The following CACNA2D4 variants were observed in gnomAD, a reference collection of about 807,000 sequenced individuals.
The protein encoded by CACNA2D4 is calcium voltage-gated channel auxiliary subunit alpha2delta 4.
A neutral mutation model predicts 163.8 loss-of-function variants in CACNA2D4; 157 were observed. That is an observed-to-expected ratio of 0.96 (90% confidence interval 0.84 to 1.09). The LOEUF is 1.09. Ranked by LOEUF, CACNA2D4 falls within the 50% of genes least tolerant of loss-of-function variation. The probability of loss-of-function intolerance (pLI) is 0.00; values close to 1 mark genes in which losing one functional copy is unlikely to be tolerated. For missense variants in CACNA2D4, 1,410 were observed against 1,479.9 expected (o/e 0.95, Z 0.78); for synonymous variants, 598 against 586.9 (o/e 1.02, Z -0.27).
chr12:1,809,436 A>G lies in CACNA2D4; in HGVS notation c.2721+842T>C. Reference sequence around the variant, plus strand: ...CAAAGCTCACACAGAACCAAATACTATGCCCCTTTCCCCGAGGCTCAGGCA... The same window carrying G: ...CAAAGCTCACACAGAACCAAATACTGTGCCCCTTTCCCCGAGGCTCAGGCA... On this transcript the variant is annotated intron_variant, in intron 29 of 37. Coordinates refer to ENST00000382722, the MANE Select transcript of CACNA2D4 (RefSeq NM_172364.5). 6 of 671,730 alleles carry G rather than the reference A, an allele frequency of 8.9e-6. No homozygotes were observed. In the South Asian group the frequency reaches 9.7e-5, roughly 11 times the overall value. 41.6% of individuals were successfully genotyped at this position (671,730 alleles called of 1,614,324 possible).
At chr12:1,836,009 G>T (rs1157102363) in intron 26 of CACNA2D4, 1 of 152,264 alleles carries the variant, frequency 6.6e-6, no homozygotes, top group African/African-American at 2.4e-5. Context: ...CTCATTGCCT[G>T]CCAGCTTATT....
chr12:1,907,634 C>T (rs757161699), intron 5 of CACNA2D4, 63 bp from the exon 6 acceptor site: 3 of 1,492,466 alleles, frequency 2.0e-6, no homozygotes, highest in Admixed American at 1.8e-5. Flanking sequence ...TGATCATGCC[C>T]GGTGAGGGTG....
chr12:1,850,868 C>T (rs1016096609), intron 23 of CACNA2D4, among the ~76,000 whole-genome samples: 8 of 136,522 alleles, frequency 5.9e-5, no homozygotes, highest in South Asian at 5.0e-4. Flanking sequence ...GGCGACAGAG[C>T]GAGACTCCGT....
chr12:1,909,583 G>A (rs143286238), intron 4 of CACNA2D4, among the ~76,000 whole-genome samples: 2 of 152,316 alleles, frequency 1.3e-5, no homozygotes, highest in East Asian at 3.9e-4. Flanking sequence ...AGCCCTGGGC[G>A]CAGCCCCAGG....
At chr12:1,830,619 T>C (rs1018793038) in intron 26 of CACNA2D4, among the ~76,000 whole-genome samples, 2 of 152,162 alleles carry the variant, frequency 1.3e-5, no homozygotes, top group African/African-American at 4.8e-5. Context: ...GAGCTTCCTA[T>C]CACTGCACCA....
chr12:1,884,404 G>A (rs1866084356), intron 11 of CACNA2D4, 83 bp from the exon 12 acceptor site: 1 of 1,088,888 alleles, frequency 9.2e-7, no homozygotes, highest in Non-Finnish European at 1.4e-6. Flanking sequence ...AGTCTTAGAT[G>A]TTGGCCCCAG....
At position 1,869,512 on chromosome 12, in the gene CACNA2D4, C is replaced by G. The variant is rs1170713455; in HGVS notation, c.1878+5092G>C. On this transcript the variant is annotated intron_variant, in intron 18 of 37. Transcript: ENST00000382722. This position sits in a 1 kb window ranked among gnomAD's most constrained non-coding sequence, Gnocchi z 4.7. ...CCTGATGGGTAGAGTTGGTGAGTGACAGATGTGGGTTTCAGTTTGTTTTCA... is the reference window on the plus strand; with the variant it reads ...CCTGATGGGTAGAGTTGGTGAGTGAGAGATGTGGGTTTCAGTTTGTTTTCA... Among the ~76,000 whole-genome samples the G allele has an allele frequency of 6.6e-6, 1 of 152,218 alleles. No homozygotes were observed. Among genetic ancestry groups the G allele is most frequent in the East Asian group, 1.9e-4 (1 of 5,202 alleles).
chr12:1,868,718 A>G (rs1228159234), intron 18 of CACNA2D4, among the ~76,000 whole-genome samples: 1 of 152,142 alleles, frequency 6.6e-6, no homozygotes. Context: ...TTCACTTTGT[A>G]TATCAAGATA....
chr12:1,796,066 A>G, intron 35 of CACNA2D4: 1 of 378,806 alleles, frequency 2.6e-6, no homozygotes, highest in Non-Finnish European at 4.9e-6. Context: ...CTATTAATAT[A>G]TGCAGGGACG....
In CACNA2D4 at chr12:1,799,021, G is replaced by A. The variant is rs1226394704; in HGVS notation, c.2995+654C>T. Among the ~76,000 whole-genome samples, 3 of 152,206 alleles carry A rather than the reference G, an allele frequency of 2.0e-5. No individual in the cohort carries two copies. Among genetic ancestry groups the A allele is most frequent in the Non-Finnish European group, 4.4e-5 (3 of 68,046 alleles). On this transcript the variant is annotated intron_variant, in intron 34 of 37. Transcript: ENST00000382722. This position sits in a 1 kb window ranked among gnomAD's most constrained non-coding sequence, Gnocchi z 4.7. ...GAAGAGATGGGATAAGCTGGGGACA[G>A]CCCAGGTGGTGGGAAGTTCTGGAAC...
At chr12:1,822,622 C>T (rs573721610) in intron 26 of CACNA2D4, among the ~76,000 whole-genome samples, 1 of 152,244 alleles carries the variant, frequency 6.6e-6, no homozygotes, top group South Asian at 2.1e-4. Flanking sequence ...GACAAGGAAA[C>T]GGGGGTGCAG....
At position 1,869,475 on chromosome 12, in the gene CACNA2D4, G is replaced by A. The variant is rs1026965737; in HGVS notation, c.1878+5129C>T. Among the ~76,000 whole-genome samples, 1 of 152,216 alleles carries A rather than the reference G, an allele frequency of 6.6e-6. No individual in the cohort carries two copies. The highest frequency in any genetic ancestry group is 1.5e-5 in the Non-Finnish European group (1 of 68,024). On this transcript the variant is annotated intron_variant, in intron 18 of 37. Transcript: ENST00000382722. This position sits in a 1 kb window ranked among gnomAD's most constrained non-coding sequence, Gnocchi z 4.7. ...TGGAAGGCACTGGCTCCGTCTGCGG[G>A]TCATCTGCCATCCTGATGGGTAGAG...
chr12:1,911,696 T>A (rs1378771247), intron 3 of CACNA2D4, among the ~76,000 whole-genome samples: 1 of 152,154 alleles, frequency 6.6e-6, no homozygotes, highest in Admixed American at 6.5e-5. Context: ...TCTCTGAGGC[T>A]GTGGAAGGGC....
rs144921500 is a variant in CACNA2D4, at chr12:1,834,061, G to A, written c.2551+6678C>T. 2.0e-5 allele frequency among the ~76,000 whole-genome samples: 3 copies of A among 152,198 alleles called. No individual in the cohort carries two copies. The highest frequency in any genetic ancestry group is 4.8e-5 in the African/African-American group (2 of 41,448). ...GGCTTCTGCGAGGATGAAATGGCAC[G>A]ATATACGTAACTCACTGTGGACTTG... is the stretch of plus-strand genomic sequence containing the variant. On this transcript the variant is annotated intron_variant, in intron 26 of 37. Transcript: ENST00000382722. This position sits in a 1 kb window ranked among gnomAD's most constrained non-coding sequence, Gnocchi z 7.6.
intron 18 of CACNA2D4, among the ~76,000 whole-genome samples, chr12:1,871,392 C>A (rs1311634589): frequency 2.4e-5 from 2 of 83,282 alleles, no homozygotes; most frequent in East Asian, 7.1e-4. Context: ...TGTGTGTACA[C>A]GTGCTGCTGG....
At chr12:1,899,004 T>C (rs1222511090) in intron 6 of CACNA2D4, among the ~76,000 whole-genome samples, 3 of 152,132 alleles carry the variant, frequency 2.0e-5, no homozygotes, top group Non-Finnish European at 4.4e-5. Flanking sequence ...TGGATGGTGG[T>C]GATTGTTGCA....
chr12:1,891,939 G>A (rs1866292964), intron 6 of CACNA2D4, among the ~76,000 whole-genome samples: 1 of 152,068 alleles, frequency 6.6e-6, no homozygotes, highest in African/African-American at 2.4e-5. Context: ...ATCATTAAGT[G>A]GCCAAATGTT....
At chr12:1,890,908 C>T (rs1309759460) in intron 6 of CACNA2D4, among the ~76,000 whole-genome samples, 3 of 152,234 alleles carry the variant, frequency 2.0e-5, no homozygotes, top group South Asian at 4.1e-4. Context: ...CCCACCCTTA[C>T]ATGTCACCCA....
intron 6 of CACNA2D4, among the ~76,000 whole-genome samples, chr12:1,901,774 A>G (rs1016640257): frequency 6.6e-6 from 1 of 152,104 alleles, no homozygotes; most frequent in African/African-American, 2.4e-5. Flanking sequence ...TTTAAAAAAG[A>G]ACTAAAACTG....
Sources: allele counts gnomAD v4.1 joint callset (sites outside exome capture counted in the v4.1 genomes callset), GRCh38; gene constraint gnomAD v4.1.1; non-coding constraint Gnocchi (gnomAD v3.1); transcripts MANE v1.5; gene names NCBI Gene and HGNC (gene_info 2026-07-23, HGNC 2026-07-21).